Variants in ANKFN1 observed in about 807,000 individuals in gnomAD.
The protein encoded by ANKFN1 is ankyrin repeat and fibronectin type III domain containing 1.
In ANKFN1, 74 loss-of-function variants were observed where a neutral mutation model predicts 108.7. That is an observed-to-expected ratio of 0.68 (90% CI 0.56 to 0.83). The LOEUF (loss-of-function observed/expected upper bound fraction) is 0.83, where lower values mean the gene tolerates loss of function less well. Among genes scored for constraint, ANKFN1 ranks in the 40% least tolerant of loss-of-function variants. ANKFN1 has a pLI of 0.00. For synonymous variants in ANKFN1, 547 were observed against 516.2 expected, an observed-to-expected ratio of 1.06 and a Z score of -0.81; for missense variants, 1,505 against 1,382.3, an observed-to-expected ratio of 1.09 and a Z score of -1.41.
chr17:56,232,080 A>T, intron 3 of ANKFN1, among the ~76,000 whole-genome samples: 1 of 151,868 alleles, frequency 6.6e-6, no homozygotes, highest in Middle Eastern at 3.4e-3. Context: ...GAAGAAGCTG[A>T]CTCCTTCCCC....
chr17:56,290,013 G>A (rs988727516), intron 3 of ANKFN1, among the ~76,000 whole-genome samples: 5 of 152,064 alleles, frequency 3.3e-5, no homozygotes, highest in African/African-American at 1.2e-4. Flanking sequence ...CATGCTGCTA[G>A]TTAGTTGTAG....
At chr17:56,408,751 A>G (rs1386652414) in intron 8 of ANKFN1, among the ~76,000 whole-genome samples, 1 of 152,208 alleles carries the variant, frequency 6.6e-6, no homozygotes, top group Non-Finnish European at 1.5e-5. Flanking sequence ...AGAGGCAACT[A>G]GCTCCTTAAA....
At chr17:56,088,743 T>A (rs1229816119) in intron 4 of ANKFN1, among the ~76,000 whole-genome samples, 1 of 151,162 alleles carries the variant, frequency 6.6e-6, no homozygotes, top group Admixed American at 6.6e-5. Flanking sequence ...CTTCCCACCT[T>A]AAGATGGGAT....
intron 4 of ANKFN1, among the ~76,000 whole-genome samples, chr17:56,346,246 A>G (rs965817934): frequency 6.6e-6 from 1 of 152,040 alleles, no homozygotes; most frequent in Non-Finnish European, 1.5e-5. Flanking sequence ...CCGTTGGTCT[A>G]TATCTCTGTT....
At chr17:56,331,048 A>G (rs1477143892) in intron 4 of ANKFN1, among the ~76,000 whole-genome samples, 1 of 152,164 alleles carries the variant, frequency 6.6e-6, no homozygotes, top group Admixed American at 6.6e-5. Context: ...CAGGTGGGGA[A>G]TGGAAAGAGT....
In ANKFN1 at chr17:56,308,900, G is replaced by A. The variant is rs1169644878; in HGVS notation, c.54-17321G>A. ...GGTGTCCAAATATTGAATAAGCCTC[G>A]CATCCATTGAATAAACACCACTTTG... is the stretch of plus-strand genomic sequence containing the variant. On this transcript the variant is annotated intron_variant, in intron 3 of 20. Transcript: ENST00000682825. Among the ~76,000 whole-genome samples the A allele has an allele frequency of 5.9e-5, 9 of 152,006 alleles. No homozygotes were observed. The East Asian group carries it at 7.7e-4, about 13-fold the overall frequency.
At chr17:56,469,501 C>G (rs538032415) in intron 15 of ANKFN1, among the ~76,000 whole-genome samples, 133 of 152,252 alleles carry the variant, frequency 8.7e-4, no homozygotes, top group Non-Finnish European at 1.7e-3. Flanking sequence ...ACCAGGCCTT[C>G]TCATTGGAAG....
intron 3 of ANKFN1, among the ~76,000 whole-genome samples, chr17:56,229,226 C>T (rs1916520011): frequency 6.6e-6 from 1 of 152,070 alleles, no homozygotes; most frequent in African/African-American, 2.4e-5. Context: ...GTCTTTATTG[C>T]ATTATCAAGA....
intron 4 of ANKFN1, among the ~76,000 whole-genome samples, chr17:56,097,646 A>G (rs374953388): frequency 6.6e-5 from 10 of 152,196 alleles, no homozygotes; most frequent in African/African-American, 2.2e-4. Context: ...GTCAGTTCAT[A>G]TCACTCTTCT....
At chr17:56,321,917 A>T (rs929344961) in intron 3 of ANKFN1, among the ~76,000 whole-genome samples, 10 of 152,188 alleles carry the variant, frequency 6.6e-5, no homozygotes, top group African/African-American at 2.4e-4. Flanking sequence ...AATGAGCTAA[A>T]CAACTGTAGT....
chr17:56,407,202 C>A (rs1176992334), intron 8 of ANKFN1, among the ~76,000 whole-genome samples: 2 of 152,130 alleles, frequency 1.3e-5, no homozygotes, highest in Non-Finnish European at 2.9e-5. Flanking sequence ...TGATTAAAAA[C>A]AGTCTACCAT....
chr17:56,163,305 A>G lies in ANKFN1; in HGVS notation c.-71+9775A>G, dbSNP rs146108053. ...CAGAGCCAAGCAGAAATGACTCATT[A>G]TTACCTCCACTACGCATACAGATTT... On this transcript the variant is annotated intron_variant, in intron 1 of 20. Coordinates refer to ENST00000682825, the MANE Select transcript of ANKFN1 (RefSeq NM_001370326.1). Among the ~76,000 whole-genome samples, 217 of 152,226 alleles carry G rather than the reference A, an allele frequency of 1.4e-3. 3 individuals carry two copies. The highest frequency in any genetic ancestry group is 5.2e-3 in the African/African-American group (214 of 41,538).
intron 4 of ANKFN1, among the ~76,000 whole-genome samples, chr17:56,071,975 G>A (rs1330343791): frequency 6.6e-6 from 1 of 152,240 alleles, no homozygotes; most frequent in African/African-American, 2.4e-5. Flanking sequence ...AGAGACCAGG[G>A]ATTTGTGAAT....
At chr17:56,321,036 C>T (rs996540652) in intron 3 of ANKFN1, among the ~76,000 whole-genome samples, 1 of 149,372 alleles carries the variant, frequency 6.7e-6, no homozygotes, top group East Asian at 2.0e-4. Flanking sequence ...CTAGCATGCC[C>T]GTGAGCAGTC....
intron 6 of ANKFN1, among the ~76,000 whole-genome samples, chr17:56,367,181 CCAAA>C (rs1291250178): frequency 2.0e-5 from 3 of 152,122 alleles, no homozygotes; most frequent in African/African-American, 7.2e-5. Context: ...TTCAAGCAAA[CCAAA>C]CAAATTGTTC....
chr17:56,440,453 C>A, intron 9 of ANKFN1, 29 bp downstream of exon 9: 2 of 1,547,166 alleles, frequency 1.3e-6, no homozygotes, highest in Non-Finnish European at 1.8e-6. Flanking sequence ...CTTTTCATTT[C>A]CCTATTGCTG....
chr17:56,476,316 T>A (rs1378136759), intron 15 of ANKFN1, among the ~76,000 whole-genome samples: 1 of 152,194 alleles, frequency 6.6e-6, no homozygotes, highest in African/African-American at 2.4e-5. Context: ...ATTTTGTAAT[T>A]ATTCGTTATC....
intron 4 of ANKFN1, among the ~76,000 whole-genome samples, chr17:56,119,238 G>A (rs899412464): frequency 3.9e-5 from 6 of 152,122 alleles, no homozygotes; most frequent in African/African-American, 1.4e-4. Flanking sequence ...ACTAGACCTT[G>A]AGGAACTTTG....
chr17:56,417,144 C>T (rs1290847998), intron 8 of ANKFN1, among the ~76,000 whole-genome samples: 5 of 151,868 alleles, frequency 3.3e-5, no homozygotes, highest in African/African-American at 4.8e-5. Context: ...AATAAGACCT[C>T]GTATTTGATA....
Sources: allele counts gnomAD v4.1 joint callset (sites outside exome capture counted in the v4.1 genomes callset), GRCh38; gene constraint gnomAD v4.1.1; transcripts MANE v1.5; gene names NCBI Gene and HGNC (gene_info 2026-07-23, HGNC 2026-07-21).